FOXO3: variants seen among roughly 807,000 people sequenced by gnomAD.
FOXO3 encodes forkhead box O3.
In FOXO3, 4 loss-of-function variants were observed where a neutral mutation model predicts 41.9. That is an observed-to-expected ratio of 0.10 (90% confidence interval 0.05 to 0.22). The LOEUF (loss-of-function observed/expected upper bound fraction) is 0.22. Ranked by LOEUF, FOXO3 falls within the 10% of genes least tolerant of loss-of-function variation. The pLI is 1.00. For missense variants in FOXO3, 534 were observed against 906.8 expected (o/e 0.59, Z 5.28); for synonymous variants, 318 against 389.3 (o/e 0.82, Z 2.16).
intron 1 of FOXO3, among the ~76,000 whole-genome samples, chr6:108,638,582 G>A (rs1778175715): frequency 6.6e-6 from 1 of 152,066 alleles, no homozygotes; most frequent in African/African-American, 2.4e-5. Flanking sequence ...CTATTCAAGT[G>A]GTGTCAAAAA....
intron 1 of FOXO3, among the ~76,000 whole-genome samples, chr6:108,586,532 A>T (rs1776583988): frequency 6.6e-6 from 1 of 152,128 alleles, no homozygotes; most frequent in South Asian, 2.1e-4. Flanking sequence ...ACTGAGTATG[A>T]ATGGCTCCAA....
chr6:108,617,610 G>A (rs1230300551), intron 1 of FOXO3, among the ~76,000 whole-genome samples: 1 of 152,004 alleles, frequency 6.6e-6, no homozygotes, highest in Non-Finnish European at 1.5e-5. Flanking sequence ...AACAAGGTAT[G>A]CAAGGATTTT....
In FOXO3 at chr6:108,561,493, G is replaced by A. The variant is rs767862063; in HGVS notation, c.285G>A (p.Glu95=). The A allele has an allele frequency of 1.9e-4, 284 of 1,481,014 alleles. No individual in the cohort carries two copies. Among genetic ancestry groups the A allele is most frequent in the Non-Finnish European group, 2.5e-4 (275 of 1,121,096 alleles). 91.7% of individuals were successfully genotyped at this position (1,481,014 alleles called of 1,614,324 possible). The change falls in exon 1 of 3, where the codon GAG becomes GAA. Residue 95 remains glutamate (E), a synonymous_variant. Transcript: ENST00000406360. ...CGCTGGGCTCCGGGCTGCTCCTTGA[G>A]GACTCGGCCCGGGTGCTGGCACCCG... is the stretch of plus-strand genomic sequence containing the variant. ...SGTLGSGLLL[E]DSARVLAPGG...
At chr6:108,677,252 G>A (rs1483269123) in intron 2 of FOXO3, among the ~76,000 whole-genome samples, 2 of 152,244 alleles carry the variant, frequency 1.3e-5, no homozygotes, top group Non-Finnish European at 2.9e-5. Flanking sequence ...TAATAATGGA[G>A]TTCTCTGAAG....
At chr6:108,642,350 C>T (rs934538538) in intron 1 of FOXO3, among the ~76,000 whole-genome samples, 15 of 152,088 alleles carry the variant, frequency 9.9e-5, no homozygotes, top group African/African-American at 3.4e-4. Flanking sequence ...CTTGACCTCC[C>T]AGAGTGCTGG....
intron 1 of FOXO3, among the ~76,000 whole-genome samples, chr6:108,638,073 C>G (rs1013451157): frequency 3.3e-5 from 5 of 152,146 alleles, no homozygotes; most frequent in Non-Finnish European, 5.9e-5. Context: ...TAACTTTTTA[C>G]CCTGTTTTTC....
At chr6:108,634,733 G>C (rs1483108938) in intron 1 of FOXO3, among the ~76,000 whole-genome samples, 4 of 152,080 alleles carry the variant, frequency 2.6e-5, no homozygotes, top group East Asian at 1.9e-4. Context: ...TGGATCATGA[G>C]GCTGGATGAT....
intron 1 of FOXO3, among the ~76,000 whole-genome samples, chr6:108,634,903 ATGTATTTTATATATAATGTTTT>A (rs1217802766): frequency 1.1e-4 from 16 of 152,002 alleles, no homozygotes; most frequent in Non-Finnish European, 1.9e-4. Flanking sequence ...GAGCAGTATT[ATGTATTTTATATATAATGTTTT>A]TGTATTTTAT....
intron 2 of FOXO3, 106 bp downstream of exon 2, chr6:108,664,995 C>G: frequency 8.1e-7 from 1 of 1,229,878 alleles, no homozygotes. Flanking sequence ...ACACTGAAAA[C>G]CATGGAGCAG....
intron 1 of FOXO3, among the ~76,000 whole-genome samples, chr6:108,650,169 T>A (rs140026588): frequency 3.1e-4 from 47 of 152,260 alleles, no homozygotes; most frequent in African/African-American, 9.9e-4. Context: ...AGTTATAAGG[T>A]CAGGGGTCCT....
chr6:108,583,039 T>C lies in FOXO3; in HGVS notation c.621+21210T>C, dbSNP rs552120188. On this transcript the variant is annotated intron_variant, in intron 1 of 2. Transcript: ENST00000406360. ...CCCTTTATTTTCTGGATGAGGATAT[T>C]AAGGATCAAAGATGTAAAGGAGGTT... Among the ~76,000 whole-genome samples the C allele has an allele frequency of 3.9e-5, 6 of 152,250 alleles. No homozygotes were observed. In the East Asian group the frequency reaches 1.2e-3, roughly 29 times the overall value.
chr6:108,670,165 G>A (rs1487625919), intron 2 of FOXO3, among the ~76,000 whole-genome samples: 1 of 152,014 alleles, frequency 6.6e-6, no homozygotes, highest in African/African-American at 2.4e-5. Context: ...TGGGCCAAGT[G>A]GGAGAATGTT....
At chr6:108,662,656 A>T (rs1778903195) in intron 1 of FOXO3, among the ~76,000 whole-genome samples, 1 of 152,198 alleles carries the variant, frequency 6.6e-6, no homozygotes, top group Non-Finnish European at 1.5e-5. Flanking sequence ...GAAAAGGTAG[A>T]CGTTGTGCCT....
chr6:108,652,486 C>T (rs1419208124), intron 1 of FOXO3, among the ~76,000 whole-genome samples: 1 of 152,194 alleles, frequency 6.6e-6, no homozygotes, highest in Non-Finnish European at 1.5e-5. Flanking sequence ...TCCTTGGTCA[C>T]TTGTTAGTGG....
intron 1 of FOXO3, among the ~76,000 whole-genome samples, chr6:108,606,046 A>C (rs1777190930): frequency 6.6e-6 from 1 of 152,254 alleles, no homozygotes; most frequent in South Asian, 2.1e-4. Context: ...AAATTAAAAT[A>C]GTTTGTGCCA....
At chr6:108,671,369 A>T (rs1334089580) in intron 2 of FOXO3, among the ~76,000 whole-genome samples, 1 of 152,084 alleles carries the variant, frequency 6.6e-6, no homozygotes, top group East Asian at 1.9e-4. Flanking sequence ...GCTCTGAGGG[A>T]GCTGTGGATT....
intron 1 of FOXO3, 55 bp downstream of exon 1, chr6:108,561,884 G>C (rs558609971): frequency 1.3e-6 from 2 of 1,485,460 alleles, no homozygotes; most frequent in Non-Finnish European, 1.8e-6. Context: ...TGCGCAGCGC[G>C]AGACGCGTCT....
intron 1 of FOXO3, among the ~76,000 whole-genome samples, chr6:108,595,257 A>G (rs1051090501): frequency 1.3e-5 from 2 of 152,206 alleles, no homozygotes; most frequent in Admixed American, 6.5e-5. Context: ...TGTGGAATGC[A>G]AATTGAATTT....
intron 1 of FOXO3, among the ~76,000 whole-genome samples, chr6:108,630,863 T>G (rs1449004718): frequency 2.6e-5 from 4 of 152,210 alleles, no homozygotes; most frequent in East Asian, 3.8e-4. Flanking sequence ...CACCAAGGGT[T>G]GTTGTACTCC....
Sources: allele counts gnomAD v4.1 joint callset (sites outside exome capture counted in the v4.1 genomes callset), GRCh38; gene constraint gnomAD v4.1.1; transcripts MANE v1.5; gene names NCBI Gene and HGNC (gene_info 2026-07-23, HGNC 2026-07-21).